TMEM255A: variants seen among roughly 807,000 people sequenced by gnomAD.
TMEM255A encodes family with sequence similarity 70, member A.
TMEM255A carries 14 observed loss-of-function variants against 23.5 expected under a neutral mutation model. The observed-to-expected ratio is 0.60, with a 90% CI of 0.39 to 0.93. TMEM255A has a LOEUF of 0.93. TMEM255A is among the 40% of genes least tolerant of loss of function. The pLI, the probability that TMEM255A is intolerant of heterozygous loss-of-function variation, is 0.00. For missense variants in TMEM255A, 233 were observed against 261.7 expected (o/e 0.89, Z 0.76); for synonymous variants, 104 against 100.3 (o/e 1.04, Z -0.22).
At chrX:120,300,491 G>A (rs1382578403) in intron 2 of TMEM255A, among the ~76,000 whole-genome samples, 1 of 107,962 alleles carries the variant, frequency 9.3e-6, no homozygotes, top group African/African-American at 3.4e-5. Flanking sequence ...AGGCTCAAGC[G>A]ATCCTTCCAC....
At chrX:120,262,864 C>G (rs1387304288) in intron 8 of TMEM255A, among the ~76,000 whole-genome samples, 1 of 112,343 alleles carries the variant, frequency 8.9e-6, no homozygotes, top group African/African-American at 3.2e-5. Context: ...TGAAGTGAAG[C>G]TAAAGGCAGT....
Position 120,304,442 on chromosome X carries a change from C to T in TMEM255A, c.108G>A (p.Leu36=). Residue 36 remains leucine (L), a synonymous_variant, in exon 2 of 9, where the codon TTG becomes TTA. Transcript: ENST00000371369. ...TGAGAATTAACACGGACACAATAAG[C>T]AAAGTCACGGTGACATAGATGGAGT... ...KRNSIYVTVT[L]LIVSVLILTV... 8.3e-7 allele frequency: 1 copy of T among 1,210,731 alleles called. No homozygotes were observed. The highest frequency in any genetic ancestry group is 1.1e-6 in the Non-Finnish European group (1 of 894,725).
At chrX:120,264,308 G>C (rs1215519134) in intron 8 of TMEM255A, among the ~76,000 whole-genome samples, 3 of 111,762 alleles carry the variant, frequency 2.7e-5, no homozygotes, top group African/African-American at 9.8e-5. Flanking sequence ...GGACAGATGA[G>C]CGAGGAGGCA....
intron 7 of TMEM255A, chrX:120,273,347 G>A (rs1556019147): frequency 3.0e-6 from 1 of 336,607 alleles, no homozygotes; most frequent in African/African-American, 2.7e-5. Flanking sequence ...AATTGGTGAT[G>A]TTTTCATTAG....
chrX:120,270,822 G>A (rs933075380), intron 7 of TMEM255A, among the ~76,000 whole-genome samples: 20 of 110,681 alleles, frequency 1.8e-4, no homozygotes, highest in Non-Finnish European at 3.0e-4. Context: ...TGCAGACCCC[G>A]GGGACTCTAC....
At chrX:120,266,894 G>A (rs932708330) in intron 8 of TMEM255A, among the ~76,000 whole-genome samples, 10 of 112,114 alleles carry the variant, frequency 8.9e-5, no homozygotes, top group Non-Finnish European at 1.9e-4. Context: ...TACCTGAGTT[G>A]TCTACCTGTG....
Position 120,304,375 on chromosome X carries a change from C to T in TMEM255A, c.175G>A (p.Val59Ile). Residue 59 changes from valine (V) to isoleucine (I), a missense_variant, in exon 2 of 9, where the codon GTA becomes ATA. Transcript: ENST00000371369. Reference sequence around the variant, plus strand: ...ATAACTCCGGGGTAATAACCTCCTACAGTCACATTCTGGGTCCTGGTGGTT... The same window carrying T: ...ATAACTCCGGGGTAATAACCTCCTATAGTCACATTCTGGGTCCTGGTGGTT... ...AATTRTQNVT[V>I]GGYYPGVILG... 4.1e-6 allele frequency: 5 copies of T among 1,211,024 alleles called. No individual in the cohort carries two copies. Among genetic ancestry groups the T allele is most frequent in the Non-Finnish European group, 5.6e-6 (5 of 895,092 alleles).
chrX:120,269,170 A>G (rs1556018214), intron 7 of TMEM255A, among the ~76,000 whole-genome samples: 1 of 109,695 alleles, frequency 9.1e-6, no homozygotes, highest in Non-Finnish European at 1.9e-5. Context: ...ACATAATTTT[A>G]TATCCTTTTC....
intron 6 of TMEM255A, among the ~76,000 whole-genome samples, chrX:120,282,920 A>G (rs1014381133): frequency 2.1e-4 from 23 of 111,147 alleles, no homozygotes; most frequent in Non-Finnish European, 3.8e-4. Context: ...TCTCCTTGAG[A>G]TCTCAGGCCC....
intron 3 of TMEM255A, 87 bp from the exon 4 acceptor site, chrX:120,291,427 C>A: frequency 1.3e-6 from 1 of 774,968 alleles, no homozygotes; most frequent in Middle Eastern, 3.3e-4. Context: ...AGACTTCCAG[C>A]CAAAGCAGAA....
chrX:120,294,412 C>T (rs1459571877), intron 2 of TMEM255A, among the ~76,000 whole-genome samples: 42 of 97,662 alleles, frequency 4.3e-4, no homozygotes, highest in African/African-American at 1.6e-3. Flanking sequence ...CCAGCCTGGG[C>T]GACAGAGCGA....
chrX:120,253,998 G>A (rs782750060), downstream of TMEM255A: 5 of 1,208,866 alleles, frequency 4.1e-6, no homozygotes, highest in Admixed American at 8.7e-5. Flanking sequence ...TGATGATGAT[G>A]TCATTTTTTG....
chrX:120,311,226 C>T lies in TMEM255A; in HGVS notation c.58+26G>A, dbSNP rs369335982. ...GGGCACTCAACCCCTGCTGCCGCCGCCCGAAGGAAGGGCCGCTAGACTTAC... is the reference window on the plus strand; with the variant it reads ...GGGCACTCAACCCCTGCTGCCGCCGTCCGAAGGAAGGGCCGCTAGACTTAC... On this transcript the variant is annotated intron_variant, in intron 1 of 8. Coordinates refer to ENST00000371369, the MANE Select transcript of TMEM255A (RefSeq NM_001104544.3). 4 of 1,164,188 alleles carry T rather than the reference C, an allele frequency of 3.4e-6. No homozygotes were observed. In the African/African-American group the frequency reaches 7.2e-5, roughly 21 times the overall value.
chrX:120,286,845 G>GTCAT (rs1556021915), intron 5 of TMEM255A, among the ~76,000 whole-genome samples: 2 of 111,358 alleles, frequency 1.8e-5, no homozygotes, highest in African/African-American at 6.5e-5. Flanking sequence ...ATGGGGGAGG[G>GTCAT]TCATGTCCTG....
chrX:120,262,018 G>A (rs184703003), intron 8 of TMEM255A, among the ~76,000 whole-genome samples: 353 of 112,017 alleles, frequency 3.2e-3, no homozygotes, highest in South Asian at 0.01. Context: ...GGCCGGGCGC[G>A]GTGGCTAACG....
downstream of TMEM255A, chrX:120,257,206 A>G (rs1407013838): frequency 8.1e-6 from 1 of 122,958 alleles, no homozygotes; most frequent in Admixed American, 9.5e-5. Context: ...TTACCTGATA[A>G]CTTAAGACTC....
chrX:120,279,763 G>A (rs781862172), intron 6 of TMEM255A, among the ~76,000 whole-genome samples: 1 of 111,456 alleles, frequency 9.0e-6, no homozygotes, highest in South Asian at 3.8e-4. Context: ...CTCTGAGCCC[G>A]GGGGATGTAA....
intron 1 of TMEM255A, among the ~76,000 whole-genome samples, chrX:120,304,929 T>C (rs1556026758): frequency 8.9e-6 from 1 of 111,899 alleles, no homozygotes; most frequent in East Asian, 2.8e-4. Flanking sequence ...TTTCATAAGC[T>C]AGAGATATGA....
Position 120,277,135 on chromosome X carries a change from A to G in TMEM255A, c.513-88T>C, listed in dbSNP as rs2057804710. 6 of 814,149 alleles carry G rather than the reference A, an allele frequency of 7.4e-6. No homozygotes were observed. In the South Asian group the frequency reaches 1.1e-4, roughly 16 times the overall value. The allele number at this position is 814,149 out of a possible 1,213,427, so 67.1% of individuals were successfully genotyped here. ...TCCCCAACTCTGGGATTGGGCTACC[A>G]TACAGCTCAGTGAAAAGACAGGTGG... On this transcript the variant is annotated intron_variant, in intron 6 of 8. Transcript: ENST00000371369.
Sources: allele counts gnomAD v4.1 joint callset (sites outside exome capture counted in the v4.1 genomes callset), GRCh38; gene constraint gnomAD v4.1.1; transcripts MANE v1.5; gene names NCBI Gene and HGNC (gene_info 2026-07-23, HGNC 2026-07-21).